Variants in GAS7 observed in about 807,000 individuals in gnomAD.
GAS7 encodes the protein growth arrest-specific protein 7.
A neutral mutation model predicts 71.1 loss-of-function variants in GAS7; 28 were observed. The ratio of observed to expected loss-of-function variants is 0.39; its 90% CI spans 0.29 to 0.54. The LOEUF is 0.54. Among genes scored for constraint, GAS7 ranks in the 20% least tolerant of loss-of-function variants. The probability of loss-of-function intolerance (pLI) is 0.62; values close to 1 mark genes in which losing one functional copy is unlikely to be tolerated. For missense variants in GAS7, 436 were observed against 627.8 expected, an observed-to-expected ratio of 0.69 and a Z score of 3.27; for synonymous variants, 258 against 245.8, an observed-to-expected ratio of 1.05 and a Z score of -0.46.
intron 1 of GAS7, among the ~76,000 whole-genome samples, chr17:10,123,751 G>GA: frequency 6.6e-6 from 1 of 152,234 alleles, no homozygotes; most frequent in Non-Finnish European, 1.5e-5. Flanking sequence ...GTGGCTGGAG[G>GA]AATCAAGGCA....
chr17:9,948,598 G>A (rs1484154055), intron 5 of GAS7, among the ~76,000 whole-genome samples: 3 of 151,886 alleles, frequency 2.0e-5, no homozygotes, highest in Admixed American at 6.6e-5. Context: ...CAGGAGAATC[G>A]CTTCAACCCA....
chr17:10,149,613 C>G (rs973738780), intron 1 of GAS7, among the ~76,000 whole-genome samples: 2 of 152,130 alleles, frequency 1.3e-5, no homozygotes, highest in African/African-American at 4.8e-5. Flanking sequence ...CCCAAGAGAA[C>G]TGAAAACATG....
chr17:10,129,345 GGC>G (rs1269978040), intron 1 of GAS7, among the ~76,000 whole-genome samples: 2 of 152,078 alleles, frequency 1.3e-5, no homozygotes, highest in East Asian at 3.8e-4. Context: ...GACCAGCCTG[GGC>G]AACGCAGGAA....
At chr17:10,161,666 C>T (rs1844201059) in intron 1 of GAS7, among the ~76,000 whole-genome samples, 1 of 152,200 alleles carries the variant, frequency 6.6e-6, no homozygotes, top group Admixed American at 6.5e-5. Flanking sequence ...CAGTCATTAA[C>T]TATTACATTT....
intron 1 of GAS7, among the ~76,000 whole-genome samples, chr17:10,121,503 A>G (rs2073904183): frequency 6.6e-6 from 1 of 152,206 alleles, no homozygotes; most frequent in South Asian, 2.1e-4. Context: ...TCTGTGCCTC[A>G]GTTTCCCCAT....
chr17:10,060,823 C>T (rs765162978), intron 1 of GAS7, among the ~76,000 whole-genome samples: 37 of 152,286 alleles, frequency 2.4e-4, no homozygotes, highest in East Asian at 1.4e-3. Context: ...TGTGGCCCAG[C>T]GATCCCACAT....
chr17:10,152,116 G>A (rs1214086138), intron 1 of GAS7, among the ~76,000 whole-genome samples: 1 of 152,184 alleles, frequency 6.6e-6, no homozygotes, highest in Non-Finnish European at 1.5e-5. Context: ...CTGACTGGCT[G>A]TCACGTGTAG....
chr17:10,167,044 C>A (rs200667434), intron 1 of GAS7, among the ~76,000 whole-genome samples: 1 of 58,806 alleles, frequency 1.7e-5, no homozygotes. Flanking sequence ...TTCCATTTGT[C>A]TTTTTTTTTT....
chr17:9,920,644 T>C (rs2067771977), intron 11 of GAS7, among the ~76,000 whole-genome samples: 1 of 152,216 alleles, frequency 6.6e-6, no homozygotes. Context: ...TGCATGTTTA[T>C]GAGACGCTCT....
At chr17:10,019,546 A>G (rs2072178930) in intron 2 of GAS7, among the ~76,000 whole-genome samples, 1 of 152,070 alleles carries the variant, frequency 6.6e-6, no homozygotes, top group Non-Finnish European at 1.5e-5. Context: ...GAAGACTCAA[A>G]CCATAAAGGG....
chr17:10,066,790 C>A (rs1434160829), intron 1 of GAS7, among the ~76,000 whole-genome samples: 1 of 152,100 alleles, frequency 6.6e-6, no homozygotes, highest in Non-Finnish European at 1.5e-5. Context: ...CCTGGGGTCA[C>A]TGAATTTTGG....
intron 3 of GAS7, among the ~76,000 whole-genome samples, chr17:9,971,361 T>C (rs941278500): frequency 3.3e-5 from 5 of 152,020 alleles, no homozygotes; most frequent in Non-Finnish European, 7.4e-5. Context: ...GAGTTTAAGA[T>C]CAGCCCGGAC....
intron 1 of GAS7, among the ~76,000 whole-genome samples, chr17:10,105,310 G>A (rs954113583): frequency 4.0e-5 from 6 of 151,816 alleles, no homozygotes; most frequent in Admixed American, 2.0e-4. Context: ...CACAAACACC[G>A]GCCCCTCCTC....
At position 10,181,929 on chromosome 17, in the gene GAS7, T is replaced by A. The variant is rs117025936; in HGVS notation, c.183+16279A>T. Among the ~76,000 whole-genome samples, 61 of 152,224 alleles carry A rather than the reference T, an allele frequency of 4.0e-4. 1 individual carries two copies. The East Asian group carries it at 0.011, about 28-fold the overall frequency. The stretch of plus-strand genomic sequence containing the variant: ...AATTATAACACATTGGCATGCTAAA[T>A]GACACTCCCACCAGCGCCAGGACAG... On this transcript the variant is annotated intron_variant, in intron 1 of 13. Coordinates refer to ENST00000432992, the MANE Select transcript of GAS7 (RefSeq NM_201433.2).
rs534916401 is a variant in GAS7 at position 10,086,227 on chromosome 17, T to C, written c.184-66330A>G. ...CATTGAGATGAATACATGTTCGTGTTCCCATGGCAACAAAGCATGCTCACT... is the reference window on the plus strand; with the variant it reads ...CATTGAGATGAATACATGTTCGTGTCCCCATGGCAACAAAGCATGCTCACT... On this transcript the variant is annotated intron_variant, in intron 1 of 13. Transcript: ENST00000432992. 2.6e-5 allele frequency among the ~76,000 whole-genome samples: 4 copies of C among 152,290 alleles called. No individual in the cohort carries two copies. In the East Asian group the frequency reaches 7.7e-4, roughly 29 times the overall value.
At chr17:10,176,596 CTG>C (rs1162189615) in intron 1 of GAS7, among the ~76,000 whole-genome samples, 1 of 152,176 alleles carries the variant, frequency 6.6e-6, no homozygotes, top group Admixed American at 6.5e-5. Context: ...GCCAATAACT[CTG>C]TGGAAGGGGT....
chr17:10,106,567 T>G (rs2073758277), intron 1 of GAS7, among the ~76,000 whole-genome samples: 3 of 152,152 alleles, frequency 2.0e-5, no homozygotes, highest in Admixed American at 2.0e-4. Flanking sequence ...ATTTGCATCT[T>G]TAGAGCATTA....
intron 1 of GAS7, among the ~76,000 whole-genome samples, chr17:10,030,882 C>T (rs1219466173): frequency 6.6e-6 from 1 of 152,172 alleles, no homozygotes; most frequent in Non-Finnish European, 1.5e-5. Flanking sequence ...CCTCCTTGGA[C>T]GAATCCAAAA....
At chr17:9,968,672 G>T (rs149641407) in intron 4 of GAS7, among the ~76,000 whole-genome samples, 1 of 152,130 alleles carries the variant, frequency 6.6e-6, no homozygotes, top group Non-Finnish European at 1.5e-5. Context: ...TAAGAACCAC[G>T]GTCTCAGATG....
Sources: gnomAD v4.1 joint callset for allele counts (sites outside exome capture counted in the v4.1 genomes callset) on GRCh38, gnomAD v4.1.1 for gene constraint, MANE v1.5 for transcripts, NCBI Gene and HGNC (gene_info 2026-07-23, HGNC 2026-07-21) for gene names.